The following CENPH variants were observed in gnomAD, a reference collection of about 807,000 sequenced individuals.
CENPH encodes CENP-H.
A neutral mutation model predicts 42.9 loss-of-function variants in CENPH; 40 were observed. The observed-to-expected ratio is 0.93, with a 90% CI of 0.72 to 1.21. The LOEUF (loss-of-function observed/expected upper bound fraction) is 1.21, where lower values mean the gene tolerates loss of function less well. CENPH is among the 50% of genes most tolerant of loss of function. CENPH has a pLI of 0.00. For synonymous variants in CENPH, 88 were observed against 96.5 expected (o/e 0.91, Z 0.52); for missense variants, 302 against 292.9 (o/e 1.03, Z -0.23).
intron 5 of CENPH, among the ~76,000 whole-genome samples, chr5:69,201,254 C>T (rs923284079): frequency 6.6e-6 from 1 of 152,172 alleles, no homozygotes; most frequent in African/African-American, 2.4e-5. Context: ...TTTGCTCCAG[C>T]CATACCAAAC....
rs764411548 is a variant in CENPH at position 69,208,283 on chromosome 5, CAGAG to C, written c.578_581del (p.Glu193GlyfsTer2). On this transcript the variant is annotated frameshift_variant, in exon 8 of 9. Transcript: ENST00000283006. LOFTEE classifies it high-confidence loss of function. ...ATTGATTTGGACAGTATGGAAAACT[CAGAG>C]AGGATAAAGATCATACGACAAAACC... The C allele has an allele frequency of 3.8e-5, 61 of 1,596,326 alleles. No individual in the cohort carries two copies. The Middle Eastern group carries it at 1.3e-3, about 35-fold the overall frequency.
chr5:69,209,670 G>A (rs760791611), intron 8 of CENPH, 37 bp from the exon 9 acceptor site: 2 of 992,470 alleles, frequency 2.0e-6, no homozygotes, highest in South Asian at 1.5e-5. Context: ...AATTTTTAAA[G>A]TACTTGTAAC....
intron 1 of CENPH, among the ~76,000 whole-genome samples, chr5:69,190,896 A>G (rs886651884): frequency 6.6e-6 from 1 of 152,174 alleles, no homozygotes; most frequent in Non-Finnish European, 1.5e-5. Context: ...TGACTCAAAA[A>G]AAAAAAATTA....
chr5:69,202,525 A>G lies in CENPH; in HGVS notation c.391A>G (p.Lys131Glu). 1 of 1,570,180 alleles carries G rather than the reference A, an allele frequency of 6.4e-7. No individual in the cohort carries two copies. The highest frequency in any genetic ancestry group is 8.7e-7 in the Non-Finnish European group (1 of 1,144,514). Residue 131 changes from lysine to glutamate, a missense_variant, in exon 6 of 9, where the codon AAA (lysine) becomes GAA (glutamate). By Grantham distance (56) the Lys-to-Glu change is moderately conservative (BLOSUM62 1). Coordinates refer to ENST00000283006, the MANE Select transcript of CENPH (RefSeq NM_022909.4). ...TTTCAGTGTGCTCATGGATAACATGAAACACCTATTAGAGCTAAATAAATT... is the reference window on the plus strand; with the variant it reads ...TTTCAGTGTGCTCATGGATAACATGGAACACCTATTAGAGCTAAATAAATT... ...RQSSVLMDNM[K>E]HLLELNKLIM...
intron 5 of CENPH, among the ~76,000 whole-genome samples, chr5:69,199,378 T>C (rs2112087953): frequency 6.6e-6 from 1 of 152,310 alleles, no homozygotes; most frequent in South Asian, 2.1e-4. Context: ...TTTTGCCATG[T>C]TGCCCAGGCT....
chr5:69,193,223 CTG>C (rs1179293132), intron 2 of CENPH, among the ~76,000 whole-genome samples: 4 of 151,662 alleles, frequency 2.6e-5, no homozygotes, highest in East Asian at 1.9e-4. Flanking sequence ...ATATATGTGA[CTG>C]AGACTTTATT....
At chr5:69,199,836 G>A (rs569378336) in intron 5 of CENPH, among the ~76,000 whole-genome samples, 4 of 152,254 alleles carry the variant, frequency 2.6e-5, no homozygotes, top group East Asian at 3.9e-4. Flanking sequence ...GGGTCAGGCC[G>A]GTGCGGTGGC....
At chr5:69,194,305 T>C (rs1316539482) in intron 2 of CENPH, among the ~76,000 whole-genome samples, 1 of 151,856 alleles carries the variant, frequency 6.6e-6, no homozygotes, top group African/African-American at 2.4e-5. Context: ...ACTACAGGCA[T>C]GCACTATTGT....
At position 69,208,369 on chromosome 5, in the gene CENPH, A is replaced by G. The variant is rs1324726160; in HGVS notation, c.651+10A>G. The G allele has an allele frequency of 1.9e-6, 3 of 1,549,034 alleles. No homozygotes were observed. The highest frequency in any genetic ancestry group is 2.7e-6 in the Non-Finnish European group (3 of 1,129,502). On this transcript the variant is annotated intron_variant, in intron 8 of 8. Transcript: ENST00000283006. ...TCAACATGTGTTCCAGGTAACATTT[A>G]TATAAACTAGCAAGAGTTTTAATCT...
intron 1 of CENPH, among the ~76,000 whole-genome samples, chr5:69,190,236 G>A (rs2112078237): frequency 6.6e-6 from 1 of 152,342 alleles, no homozygotes; most frequent in Admixed American, 6.5e-5. Flanking sequence ...AAGATTCGAT[G>A]AGAAGGGACA....
intron 2 of CENPH, among the ~76,000 whole-genome samples, chr5:69,192,141 G>A (rs761288328): frequency 3.3e-5 from 5 of 152,078 alleles, no homozygotes; most frequent in Admixed American, 6.6e-5. Flanking sequence ...AACAGTACTC[G>A]AGTGAAAATA....
chr5:69,210,086 C>T lies in CENPH; in HGVS notation c.*287C>T. Reference sequence around the variant, plus strand: ...GCGCGATCTCGGCTCACTGCAACCTCTGCCTCCCGGGTTCAAGCAGTTCTG... The same window carrying T: ...GCGCGATCTCGGCTCACTGCAACCTTTGCCTCCCGGGTTCAAGCAGTTCTG... On this transcript the variant is annotated 3_prime_UTR_variant, in exon 9 of 9. Transcript: ENST00000283006. The T allele has an allele frequency of 5.1e-6, 1 of 195,746 alleles. No homozygotes were observed. Among genetic ancestry groups the T allele is most frequent in the Non-Finnish European group, 1.0e-5 (1 of 95,928 alleles). The allele number at this position is 195,746 out of a possible 1,614,324, so 12.1% of individuals were successfully genotyped here.
chr5:69,208,994 C>T (rs1283766731), intron 8 of CENPH, among the ~76,000 whole-genome samples: 1 of 151,610 alleles, frequency 6.6e-6, no homozygotes, highest in East Asian at 2.0e-4. Context: ...TGGGGTTTCG[C>T]CATGTTGGCC....
chr5:69,191,861 T>C lies in CENPH; in HGVS notation c.190+11T>C. The C allele has an allele frequency of 6.9e-7, 1 of 1,450,510 alleles. No individual in the cohort carries two copies. The highest frequency in any genetic ancestry group is 9.7e-7 in the Non-Finnish European group (1 of 1,034,328). The allele number at this position is 1,450,510 out of a possible 1,614,324, so 89.9% of individuals were successfully genotyped here. On this transcript the variant is annotated intron_variant, in intron 2 of 8. Transcript: ENST00000283006. ...CAATGGTTGATGCAAGTAAGTATTT[T>C]CATTTTCAAATTAGGGTTTTGTTGT...
intron 4 of CENPH, 92 bp downstream of exon 4, chr5:69,195,883 G>A: frequency 3.4e-6 from 2 of 593,510 alleles, no homozygotes; most frequent in Non-Finnish European, 5.9e-6. Context: ...TGGGCTGAGT[G>A]AATTAGTCAA....
At chr5:69,208,100 T>A (rs564718457) in intron 7 of CENPH, 96 bp from the exon 8 acceptor site, 3 of 618,654 alleles carry the variant, frequency 4.8e-6, no homozygotes, top group African/African-American at 3.8e-5. Flanking sequence ...TTCTCTTGAC[T>A]AAAATAACCA....
chr5:69,193,093 G>A (rs746584941), intron 2 of CENPH, among the ~76,000 whole-genome samples: 3 of 151,020 alleles, frequency 2.0e-5, no homozygotes, highest in South Asian at 2.1e-4. Flanking sequence ...GCAAAACTCC[G>A]TCTCAAAAAC....
intron 5 of CENPH, among the ~76,000 whole-genome samples, chr5:69,200,250 C>T (rs1748036789): frequency 6.6e-6 from 1 of 152,114 alleles, no homozygotes; most frequent in African/African-American, 2.4e-5. Context: ...CATCTTTAGC[C>T]TTGAGCTCCA....
intron 7 of CENPH, 67 bp from the exon 8 acceptor site, chr5:69,208,129 A>G: frequency 1.2e-6 from 1 of 833,354 alleles, no homozygotes; most frequent in Non-Finnish European, 1.7e-6. Flanking sequence ...TCTGCTTCAT[A>G]ATTTTTCAAG....
Sources: allele counts gnomAD v4.1 joint callset (sites outside exome capture counted in the v4.1 genomes callset), GRCh38; gene constraint gnomAD v4.1.1; transcripts MANE v1.5; gene names NCBI Gene and HGNC (gene_info 2026-07-23, HGNC 2026-07-21).